Variants in TSC22D1 observed in about 807,000 individuals in gnomAD.
TSC22D1 encodes the protein TSC22 domain family protein 1.
TSC22D1 carries 9 observed loss-of-function variants against 74.2 expected under a neutral mutation model. The observed-to-expected ratio is 0.12, with a 90% confidence interval of 0.07 to 0.21. TSC22D1 has a LOEUF of 0.21. Among genes scored for constraint, TSC22D1 ranks in the 10% least tolerant of loss-of-function variants. The probability of loss-of-function intolerance (pLI) is 1.00; values close to 1 mark genes in which losing one functional copy is unlikely to be tolerated. For synonymous variants in TSC22D1, 586 were observed against 492.5 expected (o/e 1.19, Z -2.51); for missense variants, 1,427 against 1,304.7 (o/e 1.09, Z -1.44).
At chr13:44,443,612 G>T (rs1454371553) in intron 1 of TSC22D1, among the ~76,000 whole-genome samples, 2 of 152,200 alleles carry the variant, frequency 1.3e-5, no homozygotes, top group South Asian at 2.1e-4. Flanking sequence ...TTCTCAAAAG[G>T]CTGAGGTGGG....
At chr13:44,517,851 A>T (rs1333968196) in intron 1 of TSC22D1, among the ~76,000 whole-genome samples, 140 of 21,724 alleles carry the variant, frequency 6.4e-3, no homozygotes, top group Non-Finnish European at 0.019. Context: ...ATATATATAT[A>T]TATATATTTT....
chr13:44,488,334 A>AC (rs1316430958), intron 1 of TSC22D1, among the ~76,000 whole-genome samples: 3 of 152,150 alleles, frequency 2.0e-5, no homozygotes, highest in East Asian at 1.9e-4. Context: ...AAGATTTAGT[A>AC]CCCCCCCAAA....
chr13:44,543,557 CA>C (rs1881613254), intron 1 of TSC22D1, among the ~76,000 whole-genome samples: 1 of 152,124 alleles, frequency 6.6e-6, no homozygotes, highest in African/African-American at 2.4e-5. Flanking sequence ...TCTAAGTATC[CA>C]AAACAGTCCT....
intron 1 of TSC22D1, among the ~76,000 whole-genome samples, chr13:44,457,501 G>A (rs1876730767): frequency 6.6e-6 from 1 of 151,930 alleles, no homozygotes; most frequent in Non-Finnish European, 1.5e-5. Context: ...TCATGTTGTG[G>A]GCCTTCACAA....
At chr13:44,449,180 C>G (rs957585697) in intron 1 of TSC22D1, among the ~76,000 whole-genome samples, 1 of 152,254 alleles carries the variant, frequency 6.6e-6, no homozygotes, top group East Asian at 1.9e-4. Flanking sequence ...TGAGGCTGGG[C>G]AGGCTGACAG....
chr13:44,568,728 C>G (rs1323004489), intron 1 of TSC22D1, among the ~76,000 whole-genome samples: 1 of 152,090 alleles, frequency 6.6e-6, no homozygotes, highest in Non-Finnish European at 1.5e-5. Context: ...AGGAAAGGTT[C>G]TACAGGAAAG....
intron 1 of TSC22D1, among the ~76,000 whole-genome samples, chr13:44,507,460 CTTACT>C (rs750235432): frequency 4.6e-5 from 7 of 151,388 alleles, no homozygotes; most frequent in Admixed American, 1.3e-4. Flanking sequence ...AAGCAAATAT[CTTACT>C]TTACTTTTTT....
chr13:44,537,482 A>C, intron 1 of TSC22D1: 1 of 985,168 alleles, frequency 1.0e-6, no homozygotes, highest in Non-Finnish European at 1.2e-6. Context: ...AAAAGCTTAT[A>C]ATCTCACAGG....
rs529045098 is a variant in TSC22D1, at chr13:44,528,865, C to T, written c.2912+44298G>A. On this transcript the variant is annotated intron_variant, in intron 1 of 2. Coordinates refer to ENST00000458659, the MANE Select transcript of TSC22D1 (RefSeq NM_183422.4). ...AGTGTTATGAGCAGTTCTGTCTCCACAAATTTGTTAAGTTAGATGAAATGG... is the reference window on the plus strand; with the variant it reads ...AGTGTTATGAGCAGTTCTGTCTCCATAAATTTGTTAAGTTAGATGAAATGG... 9.9e-5 allele frequency among the ~76,000 whole-genome samples: 15 copies of T among 152,104 alleles called. 1 individual carries two copies. In the East Asian group the frequency reaches 2.5e-3, roughly 25 times the overall value.
chr13:44,519,265 T>C lies in TSC22D1; in HGVS notation c.2912+53898A>G, dbSNP rs112790051. ...CACTGATTACTTTCCTTCCCTTTTT[T>C]TCATAGTAAATGAAAAATAAGGCTG... On this transcript the variant is annotated intron_variant, in intron 1 of 2. Transcript: ENST00000458659. 3.5e-4 allele frequency among the ~76,000 whole-genome samples: 54 copies of C among 152,316 alleles called. 1 individual carries two copies. Among genetic ancestry groups the C allele is most frequent in the African/African-American group, 1.2e-3 (48 of 41,580 alleles).
rs778590952 is a variant in TSC22D1, at chr13:44,575,182, G to T, written c.893C>A (p.Thr298Asn). ...AGAATTTATACCTATTCCACCTGTAGTACTTGGAGCACGCATATTAGTCAT... is the reference window on the plus strand; with the variant it reads ...AGAATTTATACCTATTCCACCTGTATTACTTGGAGCACGCATATTAGTCAT... The part of the protein sequence containing the change: ...SVMTNMRAPS[T>N]TGGIGINSVT... Residue 298 changes from threonine to asparagine, a missense_variant, in exon 1 of 3, where the codon ACT becomes AAT. Physicochemically the swap from Thr to Asn is moderately conservative, Grantham distance 65. This residue lies in a region of TSC22D1 where 1,343 missense variants were observed against 1,191.5 expected (regional missense o/e 1.13). Coordinates refer to ENST00000458659, the MANE Select transcript of TSC22D1 (RefSeq NM_183422.4). The T allele has an allele frequency of 3.1e-6, 5 of 1,614,060 alleles. No individual in the cohort carries two copies. Among genetic ancestry groups the T allele is most frequent in the African/African-American group, 1.3e-5 (1 of 75,038 alleles).
Position 44,548,509 on chromosome 13 carries a change from T to C in TSC22D1, c.2912+24654A>G, listed in dbSNP as rs548721779. 3.9e-5 allele frequency among the ~76,000 whole-genome samples: 6 copies of C among 152,344 alleles called. No individual in the cohort carries two copies. In the South Asian group the frequency reaches 1.0e-3, roughly 26 times the overall value. ...TCAAATTCATTTAAACATACATCAA[T>C]TGACAGTTAAGCAAGCTAAGCTTAA... is the stretch of plus-strand genomic sequence containing the variant. On this transcript the variant is annotated intron_variant, in intron 1 of 2. Coordinates refer to ENST00000458659, the MANE Select transcript of TSC22D1 (RefSeq NM_183422.4).
intron 1 of TSC22D1, among the ~76,000 whole-genome samples, chr13:44,571,928 T>C (rs1308016387): frequency 6.6e-6 from 1 of 152,186 alleles, no homozygotes; most frequent in African/African-American, 2.4e-5. Flanking sequence ...ACTGAAACAT[T>C]TGACCTGTTT....
chr13:44,558,773 T>C (rs1480943987), intron 1 of TSC22D1, among the ~76,000 whole-genome samples: 1 of 152,080 alleles, frequency 6.6e-6, no homozygotes, highest in Non-Finnish European at 1.5e-5. Context: ...TTATGTACCT[T>C]CACCAAGTAT....
intron 1 of TSC22D1, among the ~76,000 whole-genome samples, chr13:44,499,268 C>A (rs1879115802): frequency 1.3e-5 from 2 of 152,286 alleles, no homozygotes; most frequent in South Asian, 4.1e-4. Context: ...ATTCTCTACT[C>A]TTTCCTTTTG....
In TSC22D1 at chr13:44,539,536, C is replaced by T. The variant is rs565476158; in HGVS notation, c.2912+33627G>A. The T allele has an allele frequency of 2.6e-5, 26 of 985,354 alleles. No homozygotes were observed. In the East Asian group the frequency reaches 1.8e-3, roughly 69 times the overall value. The allele number at this position is 985,354 out of a possible 1,614,324, so 61.0% of individuals were successfully genotyped here. A position where few individuals can be genotyped will look rare whatever the true frequency, so the allele number is the denominator to read the frequency against. On this transcript the variant is annotated intron_variant, in intron 1 of 2. Coordinates refer to ENST00000458659, the MANE Select transcript of TSC22D1 (RefSeq NM_183422.4). ...AATTCCTGTGGACTACATAGGCATT[C>T]GTCAAATCATGTGCCCCAAATCATC... is the stretch of plus-strand genomic sequence containing the variant.
chr13:44,558,039 C>T (rs540282357), intron 1 of TSC22D1, among the ~76,000 whole-genome samples: 2 of 152,266 alleles, frequency 1.3e-5, no homozygotes, highest in East Asian at 1.9e-4. Flanking sequence ...ATTAGGTACA[C>T]TCATTACTGG....
intron 1 of TSC22D1, chr13:44,474,391 A>G: frequency 3.3e-6 from 1 of 305,928 alleles, no homozygotes; most frequent in Non-Finnish European, 4.8e-6. Flanking sequence ...TTAAAGGGGC[A>G]GTGGTCCAAT....
chr13:44,574,769 C>T lies in TSC22D1; in HGVS notation c.1306G>A (p.Val436Ile), dbSNP rs777257388. Residue 436 changes from valine (V) to isoleucine (I), a missense_variant, in exon 1 of 3, where the codon GTA (valine) becomes ATA (isoleucine). Val to Ile is a conservative substitution (Grantham distance 29). This residue lies in a region of TSC22D1 where 1,343 missense variants were observed against 1,191.5 expected (regional missense o/e 1.13). Coordinates refer to ENST00000458659, the MANE Select transcript of TSC22D1 (RefSeq NM_183422.4). ...CTEFYEKENA[V>I]PATEGVLINK... ...ATCAGCACACCTTCTGTAGCAGGTACAGCATTTTCTTTTTCATAGAACTCA... is the reference window on the plus strand; with the variant it reads ...ATCAGCACACCTTCTGTAGCAGGTATAGCATTTTCTTTTTCATAGAACTCA... 6.2e-7 allele frequency: 1 copy of T among 1,614,104 alleles called. No individual in the cohort carries two copies. The highest frequency in any genetic ancestry group is 1.7e-5 in the Admixed American group (1 of 60,034).
Sources: allele counts gnomAD v4.1 joint callset (sites outside exome capture counted in the v4.1 genomes callset), GRCh38; gene constraint gnomAD v4.1.1; regional missense constraint gnomAD v4.1.1; transcripts MANE v1.5; gene names NCBI Gene and HGNC (gene_info 2026-07-23, HGNC 2026-07-21).